Variants in RAD51B observed in about 807,000 individuals in gnomAD.
RAD51B encodes DNA repair protein RAD51 homolog 2.
A neutral mutation model predicts 42.2 loss-of-function variants in RAD51B; 38 were observed. That is an observed-to-expected ratio of 0.90 (90% CI 0.70 to 1.18). The LOEUF (loss-of-function observed/expected upper bound fraction) is 1.18, where lower values mean the gene tolerates loss of function less well. Ranked by LOEUF, RAD51B falls within the 50% of genes most tolerant of loss-of-function variation. RAD51B has a pLI of 0.00. For missense variants in RAD51B, 373 were observed against 400.7 expected (o/e 0.93, Z 0.59); for synonymous variants, 154 against 145.2 (o/e 1.06, Z -0.43).
At chr14:68,545,763 G>A in intron 10 of RAD51B, 1 of 391,198 alleles carries the variant, frequency 2.6e-6, no homozygotes, top group South Asian at 1.9e-5. Flanking sequence ...AATAGGACAT[G>A]GAATATAGAG....
At chr14:68,109,718 C>A (rs1342391384) in intron 7 of RAD51B, among the ~76,000 whole-genome samples, 1 of 151,972 alleles carries the variant, frequency 6.6e-6, no homozygotes, top group Non-Finnish European at 1.5e-5. Flanking sequence ...GGCATTCTTG[C>A]TAGTGATGGA....
At chr14:68,518,557 C>T (rs60720907) in intron 10 of RAD51B, among the ~76,000 whole-genome samples, 1 of 148,878 alleles carries the variant, frequency 6.7e-6, no homozygotes, top group African/African-American at 2.5e-5. Flanking sequence ...CATATGAGCC[C>T]CCCCCCCAGG....
At chr14:68,653,389 C>A (rs55999243) in intron 11 of RAD51B, among the ~76,000 whole-genome samples, 137,509 of 152,208 alleles carry the variant, frequency 0.9, 62,335 homozygotes, top group African/African-American at 0.98. Flanking sequence ...AAAACAAAGC[C>A]AAAAAACAGT....
chr14:67,966,283 T>G (rs1236396150), intron 7 of RAD51B, among the ~76,000 whole-genome samples: 2 of 152,180 alleles, frequency 1.3e-5, no homozygotes, highest in East Asian at 3.8e-4. Context: ...GATGATGGGT[T>G]TAAGGGGTAA....
At chr14:68,134,885 T>G (rs533337016) in intron 7 of RAD51B, among the ~76,000 whole-genome samples, 1 of 152,210 alleles carries the variant, frequency 6.6e-6, no homozygotes, top group East Asian at 1.9e-4. Flanking sequence ...AACTACCTTT[T>G]CATCCTGTTA....
intron 7 of RAD51B, among the ~76,000 whole-genome samples, chr14:68,179,178 T>G (rs2079013481): frequency 2.0e-5 from 3 of 152,104 alleles, no homozygotes; most frequent in African/African-American, 7.2e-5. Flanking sequence ...ACAGTTAAAT[T>G]ACTGTTTATT....
At chr14:68,595,998 CA>C (rs147898103), downstream of RAD51B, 5,785 of 991,936 alleles carry the variant, frequency 5.8e-3, 258 homozygotes, top group African/African-American at 0.09. Context: ...TGCATGTTCC[CA>C]AAATCAGGGG....
intron 8 of RAD51B, among the ~76,000 whole-genome samples, chr14:68,355,961 A>C (rs2082889624): frequency 6.6e-6 from 1 of 152,246 alleles, no homozygotes; most frequent in Admixed American, 6.5e-5. Flanking sequence ...TATATTGCTT[A>C]CTATCATTTA....
chr14:68,609,442 C>G (rs1595024778), intron 10 of RAD51B, among the ~76,000 whole-genome samples: 1 of 152,130 alleles, frequency 6.6e-6, no homozygotes, highest in Non-Finnish European at 1.5e-5. Context: ...CCTCTCACCC[C>G]CCTCAGAGCT....
chr14:67,837,577 CTTTTTTG>C (rs2041285867), intron 4 of RAD51B, among the ~76,000 whole-genome samples: 2 of 152,156 alleles, frequency 1.3e-5, no homozygotes, highest in South Asian at 4.1e-4. Context: ...CTTCTTCAAT[CTTTTTTG>C]TTTTTTGTTT....
intron 7 of RAD51B, among the ~76,000 whole-genome samples, chr14:67,948,112 A>G (rs2045457937): frequency 6.6e-6 from 1 of 152,202 alleles, no homozygotes; most frequent in East Asian, 1.9e-4. Context: ...ATATATAGTT[A>G]TATGTTAGTG....
At chr14:68,296,603 C>G (rs1312141931) in intron 8 of RAD51B, among the ~76,000 whole-genome samples, 1 of 152,176 alleles carries the variant, frequency 6.6e-6, no homozygotes, top group Non-Finnish European at 1.5e-5. Flanking sequence ...TGAGCAGAAC[C>G]AGATGAGTGC....
At chr14:68,336,085 G>A (rs904464805) in intron 8 of RAD51B, among the ~76,000 whole-genome samples, 2 of 152,156 alleles carry the variant, frequency 1.3e-5, no homozygotes, top group Admixed American at 6.5e-5. Context: ...AATAATAATA[G>A]TACCTATTTC....
At chr14:68,617,284 G>GA (rs1891845382) in intron 10 of RAD51B, among the ~76,000 whole-genome samples, 5 of 152,164 alleles carry the variant, frequency 3.3e-5, no homozygotes. Context: ...TTGTTAGAAT[G>GA]AACCTAACGT....
intron 5 of RAD51B, among the ~76,000 whole-genome samples, chr14:67,880,406 C>T (rs905715545): frequency 6.6e-6 from 1 of 152,092 alleles, no homozygotes; most frequent in African/African-American, 2.4e-5. Context: ...TCTGAGAACC[C>T]AATTGTACAG....
intron 7 of RAD51B, among the ~76,000 whole-genome samples, chr14:68,214,703 T>G (rs2079777960): frequency 6.6e-6 from 1 of 152,186 alleles, no homozygotes; most frequent in Non-Finnish European, 1.5e-5. Flanking sequence ...GGAATTACAG[T>G]CTACAAATTT....
chr14:68,374,331 G>C (rs1479379150), intron 8 of RAD51B, among the ~76,000 whole-genome samples: 2 of 152,200 alleles, frequency 1.3e-5, no homozygotes, highest in Non-Finnish European at 2.9e-5. Context: ...TGAGTCTTGT[G>C]TTGTACTTCC....
chr14:68,668,011 T>C (rs1893068427), intron 11 of RAD51B, among the ~76,000 whole-genome samples: 1 of 152,196 alleles, frequency 6.6e-6, no homozygotes, highest in Non-Finnish European at 1.5e-5. Flanking sequence ...AGCACTTCCC[T>C]GGCCTGGGTC....
chr14:67,871,142 C>G (rs1390684322), intron 5 of RAD51B, among the ~76,000 whole-genome samples: 1 of 152,030 alleles, frequency 6.6e-6, no homozygotes, highest in Non-Finnish European at 1.5e-5. Flanking sequence ...ATTGATGAAT[C>G]CAGGAGCTGG....
Sources: gnomAD v4.1 joint callset for allele counts (sites outside exome capture counted in the v4.1 genomes callset) on GRCh38, gnomAD v4.1.1 for gene constraint, MANE v1.5 for transcripts, NCBI Gene and HGNC (gene_info 2026-07-23, HGNC 2026-07-21) for gene names.